The following PPP1R17 variants were observed in gnomAD, a reference collection of about 807,000 sequenced individuals.
The protein encoded by PPP1R17 is protein phosphatase 1 regulatory subunit 17.
PPP1R17 carries 12 observed loss-of-function variants against 15.9 expected under a neutral mutation model. The observed-to-expected ratio is 0.75, with a 90% confidence interval of 0.48 to 1.22. PPP1R17 has a LOEUF of 1.22. Ranked by LOEUF, PPP1R17 falls within the 50% of genes most tolerant of loss-of-function variation. The pLI, the probability that PPP1R17 is intolerant of heterozygous loss-of-function variation, is 0.00. For synonymous variants in PPP1R17, 63 were observed against 64.5 expected, an observed-to-expected ratio of 0.98 and a Z score of 0.11; for missense variants, 211 against 187.3, an observed-to-expected ratio of 1.13 and a Z score of -0.74.
At chr7:31,703,881 G>T (rs1450037841) in intron 4 of PPP1R17, among the ~76,000 whole-genome samples, 1 of 152,154 alleles carries the variant, frequency 6.6e-6, no homozygotes, top group Non-Finnish European at 1.5e-5. Flanking sequence ...CCTTCAAAGG[G>T]GTCATCTCAA....
chr7:31,692,430 C>T lies in PPP1R17; in HGVS notation c.-12C>T, dbSNP rs778067833. On this transcript the variant is annotated 5_prime_UTR_variant, in exon 2 of 5. Coordinates refer to ENST00000342032, the MANE Select transcript of PPP1R17 (RefSeq NM_006658.5). Reference sequence around the variant, plus strand: ...GTGCTGGAGAAGAAATACATCCACCCACCCTCCTTTGATGATGTCCACTGA... The same window carrying T: ...GTGCTGGAGAAGAAATACATCCACCTACCCTCCTTTGATGATGTCCACTGA... 1.9e-6 allele frequency: 3 copies of T among 1,594,768 alleles called. No homozygotes were observed. The highest frequency in any genetic ancestry group is 2.7e-5 in the African/African-American group (2 of 74,486).
At chr7:31,695,941 C>T (rs1792561600) in intron 3 of PPP1R17, 1 of 179,094 alleles carries the variant, frequency 5.6e-6, no homozygotes, top group African/African-American at 2.4e-5. Context: ...ACATGGTGAG[C>T]AAAGTCACCA....
chr7:31,690,385 G>C (rs1191412566), intron 1 of PPP1R17, among the ~76,000 whole-genome samples: 1 of 152,184 alleles, frequency 6.6e-6, no homozygotes, highest in Non-Finnish European at 1.5e-5. Context: ...GGAAACTCAG[G>C]GTAAGCTCGG....
At chr7:31,691,088 A>T (rs1335095604) in intron 1 of PPP1R17, among the ~76,000 whole-genome samples, 1 of 152,164 alleles carries the variant, frequency 6.6e-6, no homozygotes, top group Non-Finnish European at 1.5e-5. Flanking sequence ...CAATCTCTAT[A>T]CAAACACTGA....
intron 1 of PPP1R17, 55 bp from the exon 2 acceptor site, chr7:31,692,351 T>A: frequency 1.9e-6 from 2 of 1,027,834 alleles, no homozygotes; most frequent in Non-Finnish European, 3.0e-6. Flanking sequence ...AGCAAATGAT[T>A]GAATGAATGA....
Position 31,707,570 on chromosome 7 carries a change from C to T in PPP1R17, c.*287C>T, listed in dbSNP as rs145245040. 8.3e-4 allele frequency: 283 copies of T among 342,450 alleles called. No individual in the cohort carries two copies. Among genetic ancestry groups the T allele is most frequent in the African/African-American group, 5.3e-3 (251 of 47,274 alleles). The allele number at this position is 342,450 out of a possible 1,614,324, so 21.2% of individuals were successfully genotyped here. On this transcript the variant is annotated 3_prime_UTR_variant, in exon 5 of 5. Transcript: ENST00000342032. ...AGGTAACAGGGAAAGCACTGGGGTT[C>T]GGTTTCTGCATCTTCTGGATCAATT...
At chr7:31,703,977 T>A (rs754145309) in intron 4 of PPP1R17, among the ~76,000 whole-genome samples, 1 of 152,190 alleles carries the variant, frequency 6.6e-6, no homozygotes, top group African/African-American at 2.4e-5. Flanking sequence ...GCAGAAAGCA[T>A]TGGTTCTGAC....
chr7:31,697,874 A>G (rs770409289), intron 4 of PPP1R17, among the ~76,000 whole-genome samples: 85 of 152,352 alleles, frequency 5.6e-4, no homozygotes, highest in Non-Finnish European at 2.1e-4. Flanking sequence ...TTGCAGACTA[A>G]GAAACAGAGA....
intron 4 of PPP1R17, among the ~76,000 whole-genome samples, chr7:31,702,073 C>A (rs1381260623): frequency 6.6e-6 from 1 of 152,150 alleles, no homozygotes; most frequent in East Asian, 1.9e-4. Flanking sequence ...CAGATCTGAT[C>A]TATTTTCCAT....
chr7:31,692,136 T>A (rs34168), intron 1 of PPP1R17, among the ~76,000 whole-genome samples: 63,987 of 151,996 alleles, frequency 0.42, 14,714 homozygotes, highest in East Asian at 0.68. Flanking sequence ...AAACTCTCAA[T>A]GTGTCTCTGA....
chr7:31,687,900 C>G (rs966492506), intron 1 of PPP1R17, among the ~76,000 whole-genome samples: 1 of 152,172 alleles, frequency 6.6e-6, no homozygotes, highest in Non-Finnish European at 1.5e-5. Flanking sequence ...GGATATTCTT[C>G]AGAATACCGT....
At position 31,695,580 on chromosome 7, in the gene PPP1R17, G is replaced by A. The variant is rs2128241067; in HGVS notation, c.194G>A (p.Arg65Lys). 1 of 1,613,858 alleles carries A rather than the reference G, an allele frequency of 6.2e-7. No individual in the cohort carries two copies. The highest frequency in any genetic ancestry group is 1.1e-5 in the South Asian group (1 of 91,050). The change falls in exon 3 of 5, where the codon AGG (arginine) becomes AAG (lysine). Residue 65 changes from arginine to lysine, a missense_variant. Transcript: ENST00000342032. ...GAGTCAGACCAAAAAAAACCAAGGA[G>A]GAAAGATACACCGGCGCTGCACATC... ...NVESDQKKPRRKDTPALHIPP... is the reference protein window; with the variant it reads ...NVESDQKKPRKKDTPALHIPP...
intron 4 of PPP1R17, among the ~76,000 whole-genome samples, chr7:31,706,251 C>CA (rs1221494258): frequency 6.6e-6 from 1 of 151,838 alleles, no homozygotes; most frequent in Non-Finnish European, 1.5e-5. Flanking sequence ...GCAATCCACC[C>CA]ACCTTGGCCT....
chr7:31,696,940 T>C (rs1792609502), intron 3 of PPP1R17, 25 bp from the exon 4 acceptor site: 1 of 1,610,606 alleles, frequency 6.2e-7, no homozygotes, highest in Non-Finnish European at 8.5e-7. Context: ...ATCCTGTTTC[T>C]CTCTGTGTTC....
At chr7:31,691,797 TAAAAAAA>T (rs377169335) in intron 1 of PPP1R17, among the ~76,000 whole-genome samples, 2 of 86,558 alleles carry the variant, frequency 2.3e-5, no homozygotes, top group African/African-American at 4.4e-5. Flanking sequence ...ATGTAATGAT[TAAAAAAA>T]AAAAAAAAAA....
rs920503186 is a variant in PPP1R17, at chr7:31,695,371, T to C, written c.83-98T>C. Reference sequence around the variant, plus strand: ...CTTTTCCTTTTCAGGCCAAATCACCTCTGTCCTGTCATCAAGTGCAATTAG... The same window carrying C: ...CTTTTCCTTTTCAGGCCAAATCACCCCTGTCCTGTCATCAAGTGCAATTAG... On this transcript the variant is annotated intron_variant, in intron 2 of 4. Transcript: ENST00000342032. 14 of 1,137,924 alleles carry C rather than the reference T, an allele frequency of 1.2e-5. No homozygotes were observed. The African/African-American group carries it at 2.0e-4, about 17-fold the overall frequency. The allele number at this position is 1,137,924 out of a possible 1,614,324, so 70.5% of individuals were successfully genotyped here.
chr7:31,688,394 T>G (rs1292916792), intron 1 of PPP1R17, among the ~76,000 whole-genome samples: 1 of 152,172 alleles, frequency 6.6e-6, no homozygotes, highest in East Asian at 1.9e-4. Flanking sequence ...AACCGCATAT[T>G]CTCACATCCA....
intron 4 of PPP1R17, among the ~76,000 whole-genome samples, chr7:31,698,207 G>GA (rs909818132): frequency 1.3e-5 from 2 of 152,060 alleles, no homozygotes; most frequent in South Asian, 2.1e-4. Context: ...ATTTAATAAA[G>GA]AAAAAAATTG....
chr7:31,694,400 A>C (rs964556148), intron 2 of PPP1R17, among the ~76,000 whole-genome samples: 2 of 151,884 alleles, frequency 1.3e-5, no homozygotes, highest in African/African-American at 4.8e-5. Flanking sequence ...ACACACACAC[A>C]CACACACACA....
Sources: allele counts gnomAD v4.1 joint callset (sites outside exome capture counted in the v4.1 genomes callset), GRCh38; gene constraint gnomAD v4.1.1; transcripts MANE v1.5; gene names NCBI Gene and HGNC (gene_info 2026-07-23, HGNC 2026-07-21).